BCL10: variants seen among roughly 807,000 people sequenced by gnomAD.
The protein encoded by BCL10 is B-cell lymphoma/leukemia 10.
BCL10 carries 5 observed loss-of-function variants against 19.2 expected under a neutral mutation model. The observed-to-expected ratio is 0.26, with a 90% CI of 0.14 to 0.55. The LOEUF (loss-of-function observed/expected upper bound fraction) is 0.55. Among genes scored for constraint, BCL10 ranks in the 20% least tolerant of loss-of-function variants. BCL10 has a pLI of 0.94. For synonymous variants in BCL10, 110 were observed against 98.8 expected, an observed-to-expected ratio of 1.11 and a Z score of -0.67; for missense variants, 201 against 271.9, an observed-to-expected ratio of 0.74 and a Z score of 1.83.
At position 85,276,355 on chromosome 1, in the gene BCL10, T is replaced by C. The variant is rs1464200827; in HGVS notation, c.-3A>G. ...AGGGACGGTGCGGTGGGCTCCATGG[T>C]GGAGGCGGGAGATGGCGCTTCTTCC... On this transcript the variant is annotated 5_prime_UTR_variant, in exon 1 of 3. Coordinates refer to ENST00000648566, the MANE Select transcript of BCL10 (RefSeq NM_003921.5). The C allele has an allele frequency of 6.2e-7, 1 of 1,613,058 alleles. No individual in the cohort carries two copies.
rs112896732 is a variant in BCL10 at position 85,276,563 on chromosome 1, G to C, written c.-211C>G. On this transcript the variant is annotated 5_prime_UTR_variant, in exon 1 of 3. Transcript: ENST00000648566. ...CCGCCTCTGAGGTCGACGGCGACGC[G>C]AATCTACGCGACGCGACGCGGAGCT... The C allele has an allele frequency of 7.0e-4, 424 of 602,500 alleles. 5 individuals are homozygous for C. The African/African-American group carries it at 7.2e-3, about 10-fold the overall frequency. The allele number at this position is 602,500 out of a possible 1,614,324, so 37.3% of individuals were successfully genotyped here.
chr1:85,267,847 C>T lies in BCL10; in HGVS notation c.482G>A (p.Ser161Asn), dbSNP rs1354323131. Residue 161 changes from serine to asparagine, a missense_variant, in exon 3 of 3, where the codon AGC becomes AAC. Ser to Asn is a conservative substitution (Grantham distance 46). Coordinates refer to ENST00000648566, the MANE Select transcript of BCL10 (RefSeq NM_003921.5). Reference protein sequence around the residue: ...TVMYHPEGESSTTPFFSTNSS... With the variant: ...TVMYHPEGESNTTPFFSTNSS... ...ATTAGTAGAAAAAAAGGGCGTCGTGCTGGATTCTCCTTCTGGATGGTACAT... is the reference window on the plus strand; with the variant it reads ...ATTAGTAGAAAAAAAGGGCGTCGTGTTGGATTCTCCTTCTGGATGGTACAT... The T allele has an allele frequency of 1.9e-6, 3 of 1,614,060 alleles. No individual in the cohort carries two copies. Among genetic ancestry groups the T allele is most frequent in the Admixed American group, 3.3e-5 (2 of 60,024 alleles).
chr1:85,267,531 C>G lies in BCL10; in HGVS notation c.*96G>C. On this transcript the variant is annotated 3_prime_UTR_variant, in exon 3 of 3. Coordinates refer to ENST00000648566, the MANE Select transcript of BCL10 (RefSeq NM_003921.5). Reference sequence around the variant, plus strand: ...CTTACATTGCATTTTAAAAGACATGCATCAAATGTAAACAAATGATTACAG... The same window carrying G: ...CTTACATTGCATTTTAAAAGACATGGATCAAATGTAAACAAATGATTACAG... 1 of 995,388 alleles carries G rather than the reference C, an allele frequency of 1.0e-6. No individual in the cohort carries two copies. Among genetic ancestry groups the G allele is most frequent in the South Asian group, 1.8e-5 (1 of 55,892 alleles). The allele number at this position is 995,388 out of a possible 1,614,324, so 61.7% of individuals were successfully genotyped here.
rs1259207434 is a variant in BCL10, at chr1:85,276,403, C to T, written c.-51G>A. ...TCCGGGTCCGGGAGCTCGGGCTGCGCCGCCCCGCCCTGGCTGGGGGCTTCG... is the reference window on the plus strand; with the variant it reads ...TCCGGGTCCGGGAGCTCGGGCTGCGTCGCCCCGCCCTGGCTGGGGGCTTCG... On this transcript the variant is annotated 5_prime_UTR_variant, in exon 1 of 3. Coordinates refer to ENST00000648566, the MANE Select transcript of BCL10 (RefSeq NM_003921.5). The T allele has an allele frequency of 6.3e-6, 10 of 1,598,470 alleles. No individual in the cohort carries two copies. The highest frequency in any genetic ancestry group is 8.6e-6 in the Non-Finnish European group (10 of 1,166,824).
At chr1:85,270,271 T>G (rs1209181763) in intron 2 of BCL10, among the ~76,000 whole-genome samples, 1 of 152,242 alleles carries the variant, frequency 6.6e-6, no homozygotes, top group Non-Finnish European at 1.5e-5. Flanking sequence ...TGATCATTTC[T>G]GTTTTTGTTT....
At chr1:85,270,552 C>A in intron 2 of BCL10, 66 bp downstream of exon 2, 1 of 1,462,792 alleles carries the variant, frequency 6.8e-7, no homozygotes, top group Non-Finnish European at 9.3e-7. Context: ...GGCACCTGGC[C>A]TGCTCTGCAT....
In BCL10 at chr1:85,276,603, T is replaced by C. The variant is rs1009260782; in HGVS notation, c.-251A>G. ...GACGCGGAGCTCGGAGCAGCGTTCC[T>C]TCCCTCTCGTAGAGGCTCAGGCGCA... On this transcript the variant is annotated 5_prime_UTR_variant, in exon 1 of 3. Coordinates refer to ENST00000648566, the MANE Select transcript of BCL10 (RefSeq NM_003921.5). 3.5e-4 allele frequency: 203 copies of C among 575,806 alleles called. No individual in the cohort carries two copies. The highest frequency in any genetic ancestry group is 1.2e-3 in the African/African-American group (62 of 53,336). 35.7% of individuals were successfully genotyped at this position (575,806 alleles called of 1,614,324 possible).
At chr1:85,270,166 G>C (rs930382406) in intron 2 of BCL10, among the ~76,000 whole-genome samples, 1 of 152,230 alleles carries the variant, frequency 6.6e-6, no homozygotes, top group African/African-American at 2.4e-5. Context: ...AGGATATTGA[G>C]AGATATTCCA....
At chr1:85,273,703 T>C (rs1660428798) in intron 1 of BCL10, among the ~76,000 whole-genome samples, 1 of 152,228 alleles carries the variant, frequency 6.6e-6, no homozygotes, top group Non-Finnish European at 1.5e-5. Flanking sequence ...CATCTGGAAT[T>C]CTGCTCCATT....
chr1:85,273,871 C>T (rs1660433902), intron 1 of BCL10, among the ~76,000 whole-genome samples: 1 of 152,042 alleles, frequency 6.6e-6, no homozygotes, highest in South Asian at 2.1e-4. Flanking sequence ...TCAACAAGTC[C>T]CTACTATACT....
chr1:85,267,513 T>A lies in BCL10; in HGVS notation c.*114A>T. 1 of 853,534 alleles carries A rather than the reference T, an allele frequency of 1.2e-6. No homozygotes were observed. The highest frequency in any genetic ancestry group is 3.5e-4 in the Middle Eastern group (1 of 2,856). 52.9% of individuals were successfully genotyped at this position (853,534 alleles called of 1,614,324 possible). ...TCCTATTTACAAAGTATGCTTACAT[T>A]GCATTTTAAAAGACATGCATCAAAT... On this transcript the variant is annotated 3_prime_UTR_variant, in exon 3 of 3. Coordinates refer to ENST00000648566, the MANE Select transcript of BCL10 (RefSeq NM_003921.5).
In BCL10 at chr1:85,270,836, G is replaced by A; in HGVS notation, c.128C>T (p.Ala43Val). 1 of 1,612,276 alleles carries A rather than the reference G, an allele frequency of 6.2e-7. No homozygotes were observed. The highest frequency in any genetic ancestry group is 2.2e-5 in the East Asian group (1 of 44,842). ...GTCTTCTCTACTGAGTATTTTTTTT[G>A]CACGTAGATGATCAAAATGTCTCTC... ...IAERHFDHLR[A>V]KKILSREDTE... is the part of the protein sequence containing the mutation. The change falls in exon 2 of 3, where the codon GCA becomes GTA. Residue 43 changes from alanine to valine, a missense_variant. By Grantham distance (64) the Ala-to-Val change is moderately conservative. Around this residue, in one of 3 missense-constraint regions of BCL10, gnomAD observed 51 missense variants for 118.8 expected, o/e 0.43. Coordinates refer to ENST00000648566, the MANE Select transcript of BCL10 (RefSeq NM_003921.5).
At chr1:85,276,168 T>G (rs1194072344) in intron 1 of BCL10, 128 bp downstream of exon 1, 2 of 1,177,786 alleles carry the variant, frequency 1.7e-6, no homozygotes, top group African/African-American at 3.0e-5. Context: ...ACAGTCCTCC[T>G]GTGCTAGGAC....
At chr1:85,271,307 T>G (rs1210588592) in intron 1 of BCL10, among the ~76,000 whole-genome samples, 2 of 152,240 alleles carry the variant, frequency 1.3e-5, no homozygotes, top group Non-Finnish European at 2.9e-5. Flanking sequence ...GTGAGAGGTC[T>G]CACAGTCTGT....
chr1:85,274,852 G>A (rs1660472416), intron 1 of BCL10, among the ~76,000 whole-genome samples: 1 of 152,102 alleles, frequency 6.6e-6, no homozygotes, highest in African/African-American at 2.4e-5. Context: ...ACCCATCCAT[G>A]GTTTCCTCAA....
intron 2 of BCL10, 125 bp downstream of exon 2, chr1:85,270,493 A>G: frequency 1.1e-6 from 1 of 874,828 alleles, no homozygotes; most frequent in Non-Finnish European, 1.7e-6. Flanking sequence ...GGCTGGTCTC[A>G]AAACTCCTGA....
chr1:85,273,208 C>G (rs1472519122), intron 1 of BCL10, among the ~76,000 whole-genome samples: 1 of 152,156 alleles, frequency 6.6e-6, no homozygotes, highest in Non-Finnish European at 1.5e-5. Context: ...CAATTCATTC[C>G]CAGACATTTC....
At chr1:85,268,790 GAAAA>G (rs928118673) in intron 2 of BCL10, among the ~76,000 whole-genome samples, 1 of 144,412 alleles carries the variant, frequency 6.9e-6, no homozygotes, top group Non-Finnish European at 1.5e-5. Context: ...AAAAAAAAGA[GAAAA>G]AAAAGGCACA....
At chr1:85,274,804 A>G (rs895378187) in intron 1 of BCL10, among the ~76,000 whole-genome samples, 1 of 152,238 alleles carries the variant, frequency 6.6e-6, no homozygotes, top group Non-Finnish European at 1.5e-5. Flanking sequence ...CCTCTAAGAA[A>G]AAAGCATGCA....
Sources: allele counts gnomAD v4.1 joint callset (sites outside exome capture counted in the v4.1 genomes callset), GRCh38; gene constraint gnomAD v4.1.1; regional missense constraint gnomAD v4.1.1; transcripts MANE v1.5; gene names NCBI Gene and HGNC (gene_info 2026-07-23, HGNC 2026-07-21).